The following CYFIP1 variants were observed in gnomAD, a reference collection of about 807,000 sequenced individuals.
The protein encoded by CYFIP1 is cytoplasmic FMR1 interacting protein 1, also known as cytoplasmic FMR1-interacting protein 1.
In CYFIP1, 58 loss-of-function variants were observed where a neutral mutation model predicts 163.5. That is an observed-to-expected ratio of 0.35 (90% confidence interval 0.29 to 0.44). The LOEUF (loss-of-function observed/expected upper bound fraction) is 0.44, where lower values mean the gene tolerates loss of function less well. CYFIP1 is among the 20% of genes least tolerant of loss of function. The pLI, the probability that CYFIP1 is intolerant of heterozygous loss-of-function variation, is 1.00. For synonymous variants in CYFIP1, 663 were observed against 660.7 expected, an observed-to-expected ratio of 1.00 and a Z score of -0.05; for missense variants, 1,338 against 1,653.8, an observed-to-expected ratio of 0.81 and a Z score of 3.31.
chr15:22,906,813 G>C (rs1385965181), intron 21 of CYFIP1, among the ~76,000 whole-genome samples: 1 of 152,204 alleles, frequency 6.6e-6, no homozygotes, highest in Non-Finnish European at 1.5e-5. Context: ...GAAAGATGAA[G>C]TTACAGTTTC....
rs539652986 is a variant in CYFIP1 at position 22,875,107 on chromosome 15, C to G, written c.3115+92G>C. 10 of 1,212,442 alleles carry G rather than the reference C, an allele frequency of 8.2e-6. No homozygotes were observed. In the East Asian group the frequency reaches 2.3e-4, roughly 28 times the overall value. 75.1% of individuals were successfully genotyped at this position (1,212,442 alleles called of 1,614,324 possible). ...ACTGAACAGGCGCCAAACCCACAAT[C>G]TGCACTGGTCCTTAGCTCTCCGGTT... On this transcript the variant is annotated intron_variant, in intron 27 of 30. Coordinates refer to ENST00000617928, the MANE Select transcript of CYFIP1 (RefSeq NM_014608.6).
intron 23 of CYFIP1, among the ~76,000 whole-genome samples, chr15:22,885,105 C>T (rs2059895160): frequency 6.6e-6 from 1 of 152,148 alleles, no homozygotes; most frequent in African/African-American, 2.4e-5. Flanking sequence ...GAGACATTTT[C>T]CCCATTGTCT....
rs952875778 is a variant in CYFIP1 at position 22,881,911 on chromosome 15, A to C, written c.2846T>G (p.Val949Gly). The C allele has an allele frequency of 3.7e-6, 6 of 1,612,430 alleles. No homozygotes were observed. The highest frequency in any genetic ancestry group is 5.1e-6 in the Non-Finnish European group (6 of 1,179,988). Reference protein sequence around the residue: ...SLLQGTILQYVKTLMEVMPKI... With the variant: ...SLLQGTILQYGKTLMEVMPKI... ...GGGCATCACCTCCATCAGCGTCTTC[A>C]CGTACTGCAGGATTGTGCCTTGCAG... Residue 949 changes from valine to glycine, a missense_variant, in exon 25 of 31, where the codon GTG becomes GGG. By Grantham distance (109) the Val-to-Gly change is moderately radical (BLOSUM62 -3). Transcript: ENST00000617928.
Position 22,917,176 on chromosome 15 carries a change from C to T in CYFIP1, c.1675-546G>A. 1 of 1,429,210 alleles carries T rather than the reference C, an allele frequency of 7.0e-7. No homozygotes were observed. The highest frequency in any genetic ancestry group is 9.1e-7 in the Non-Finnish European group (1 of 1,097,904). The allele number at this position is 1,429,210 out of a possible 1,614,324, so 88.5% of individuals were successfully genotyped here. On this transcript the variant is annotated intron_variant, in intron 15 of 30. Coordinates refer to ENST00000617928, the MANE Select transcript of CYFIP1 (RefSeq NM_014608.6). The surrounding 1 kb of genome is among the most constrained non-coding windows in gnomAD (Gnocchi z 4.2). ...ACAGGCCGAGGGCCGTCCCCCTGAC[C>T]CTCCTGCAGAGCCAGCAGCGTGCAT...
chr15:22,901,626 C>A (rs992877096), intron 22 of CYFIP1, among the ~76,000 whole-genome samples: 5 of 152,230 alleles, frequency 3.3e-5, no homozygotes, highest in African/African-American at 1.2e-4. Context: ...AGGTTAAATT[C>A]CAGTCGCAGA....
chr15:22,882,001 G>T, intron 24 of CYFIP1, 65 bp from the exon 25 acceptor site: 1 of 1,403,486 alleles, frequency 7.1e-7, no homozygotes. Context: ...CCTGTGGCCG[G>T]CGCATACCCT....
rs533949138 is a variant in CYFIP1 at position 22,957,544 on chromosome 15, G to A, written c.-6-10253C>T. ...CCAGCTACTAGGGAGGCTGAGGCAG[G>A]AGAATGGCGTGAACCCAGGAGGCGG... is the stretch of plus-strand genomic sequence containing the variant. On this transcript the variant is annotated intron_variant, in intron 1 of 30. Coordinates refer to ENST00000617928, the MANE Select transcript of CYFIP1 (RefSeq NM_014608.6). Among the ~76,000 whole-genome samples, 214 of 152,310 alleles carry A rather than the reference G, an allele frequency of 1.4e-3. 4 individuals carry two copies. Among genetic ancestry groups the A allele is most frequent in the Middle Eastern group, 3.4e-3 (1 of 292 alleles).
At chr15:22,925,161 A>G (rs2061319370) in intron 13 of CYFIP1, among the ~76,000 whole-genome samples, 1 of 152,214 alleles carries the variant, frequency 6.6e-6, no homozygotes, top group Admixed American at 6.5e-5. Context: ...TTCTCCTGTC[A>G]TGATCCATAG....
intron 12 of CYFIP1, 108 bp from the exon 13 acceptor site, chr15:22,926,215 G>A: frequency 6.6e-7 from 1 of 1,511,172 alleles, no homozygotes; most frequent in African/African-American, 1.4e-5. Flanking sequence ...TCAAACCTTT[G>A]CTGCATTCTG....
rs1478727691 is a variant in CYFIP1 at position 22,918,866 on chromosome 15, G to T, written c.1360-8C>A. The T allele has an allele frequency of 1.3e-6, 2 of 1,588,034 alleles. No individual in the cohort carries two copies. Among genetic ancestry groups the T allele is most frequent in the Non-Finnish European group, 1.7e-6 (2 of 1,167,462 alleles). ...TTTGATCATGGCGATCACCTGCGGG[G>T]GACACAGCAACAGGGACGGCCCTTC... On this transcript the variant is annotated splice_region_variant and splice_polypyrimidine_tract_variant and intron_variant, in intron 13 of 30. Coordinates refer to ENST00000617928, the MANE Select transcript of CYFIP1 (RefSeq NM_014608.6).
chr15:22,886,524 T>C (rs2059931589), intron 23 of CYFIP1, among the ~76,000 whole-genome samples: 1 of 151,974 alleles, frequency 6.6e-6, no homozygotes, highest in South Asian at 2.1e-4. Context: ...AAATTTCTCT[T>C]GAGATTTCCT....
chr15:22,965,079 T>A (rs1693640957), intron 1 of CYFIP1, among the ~76,000 whole-genome samples: 2 of 151,692 alleles, frequency 1.3e-5, no homozygotes, highest in Non-Finnish European at 2.9e-5. Flanking sequence ...TGTACACATA[T>A]ATTAATAAAC....
chr15:22,958,097 C>CTTTT (rs57822590), intron 1 of CYFIP1, among the ~76,000 whole-genome samples: 1 of 141,354 alleles, frequency 7.1e-6, no homozygotes, highest in African/African-American at 2.6e-5. Flanking sequence ...AAGTAATTTG[C>CTTTT]TTTTTTTTTT....
chr15:22,910,210 G>A (rs1364479138), intron 20 of CYFIP1, among the ~76,000 whole-genome samples: 1 of 151,906 alleles, frequency 6.6e-6, no homozygotes, highest in Admixed American at 6.6e-5. Context: ...ACCCAGGCTG[G>A]AGTGCAGTGG....
intron 1 of CYFIP1, among the ~76,000 whole-genome samples, chr15:22,953,796 C>CT (rs2062342245): frequency 1.3e-5 from 2 of 152,384 alleles, no homozygotes; most frequent in African/African-American, 4.8e-5. Context: ...TGGCTCACGC[C>CT]TGTAATCCCA....
rs35881374 is a variant in CYFIP1, at chr15:22,934,485, C to CTT, written c.901-594_901-593dup. Among the ~76,000 whole-genome samples the CTT allele has an allele frequency of 7.5e-3, 373 of 49,814 alleles. 65 individuals carry two copies. The highest frequency in any genetic ancestry group is 0.017 in the Middle Eastern group (1 of 60). The allele number at this position is 49,814 out of a possible 152,430, so 32.7% of individuals were successfully genotyped here. ...CAGGCGTGAACCACCGCACCCAGCC[C>CTT]TTTTTTTTTTTTTTTTTTTTTTTTT... On this transcript the variant is annotated intron_variant, in intron 9 of 30. Coordinates refer to ENST00000617928, the MANE Select transcript of CYFIP1 (RefSeq NM_014608.6).
intron 9 of CYFIP1, among the ~76,000 whole-genome samples, chr15:22,936,365 G>A (rs184299002): frequency 2.0e-5 from 3 of 152,314 alleles, no homozygotes; most frequent in Admixed American, 1.3e-4. Flanking sequence ...GGCACATCAC[G>A]AAGGGAACAC....
At chr15:22,890,682 TCGAGAACACGAACAGAGACAGGG>T in intron 23 of CYFIP1, among the ~76,000 whole-genome samples, 1 of 148,414 alleles carries the variant, frequency 6.7e-6, no homozygotes, top group Admixed American at 6.8e-5. Flanking sequence ...GCCAACAGCC[TCGAGAACACGAACAGAGACAGGG>T]TGGAGGGGCA....
chr15:22,892,988 A>T lies in CYFIP1; in HGVS notation c.2589-11T>A. 1 of 1,599,854 alleles carries T rather than the reference A, an allele frequency of 6.3e-7. No individual in the cohort carries two copies. Among genetic ancestry groups the T allele is most frequent in the South Asian group, 1.1e-5 (1 of 90,142 alleles). On this transcript the variant is annotated splice_polypyrimidine_tract_variant and intron_variant, in intron 22 of 30. Coordinates refer to ENST00000617928, the MANE Select transcript of CYFIP1 (RefSeq NM_014608.6). Reference sequence around the variant, plus strand: ...ACTGTCCGAACAAACCTAAACAAGAAAGATTTAAAAAAGAAAAAGAAACCA... The same window carrying T: ...ACTGTCCGAACAAACCTAAACAAGATAGATTTAAAAAAGAAAAAGAAACCA...
Sources: gnomAD v4.1 joint callset for allele counts (sites outside exome capture counted in the v4.1 genomes callset) on GRCh38, gnomAD v4.1.1 for gene constraint, Gnocchi (gnomAD v3.1) non-coding constraint, MANE v1.5 for transcripts, NCBI Gene and HGNC (gene_info 2026-07-23, HGNC 2026-07-21) for gene names.